The following SGCZ variants were observed in gnomAD, a reference collection of about 807,000 sequenced individuals.
The protein encoded by SGCZ is sarcoglycan zeta.
A neutral mutation model predicts 41.3 loss-of-function variants in SGCZ; 40 were observed. That is an observed-to-expected ratio of 0.97 (90% CI 0.75 to 1.26). SGCZ has a LOEUF of 1.26. Among genes scored for constraint, SGCZ ranks in the 50% most tolerant of loss-of-function variants. The pLI is 0.00. For synonymous variants in SGCZ, 206 were observed against 137.5 expected, an observed-to-expected ratio of 1.50 and a Z score of -3.49; for missense variants, 552 against 369.8, an observed-to-expected ratio of 1.49 and a Z score of -4.04.
At chr8:14,294,202 T>C (rs920191785) in intron 3 of SGCZ, among the ~76,000 whole-genome samples, 1 of 151,964 alleles carries the variant, frequency 6.6e-6, no homozygotes, top group Admixed American at 6.6e-5. Flanking sequence ...GGAAGTTTTT[T>C]AATGATAATG....
chr8:14,982,939 G>A (rs1396727128), intron 1 of SGCZ, among the ~76,000 whole-genome samples: 1 of 152,134 alleles, frequency 6.6e-6, no homozygotes, highest in African/African-American at 2.4e-5. Flanking sequence ...GCAAATTCCG[G>A]AGACAGAGGA....
chr8:15,095,794 C>A (rs73205453), intron 1 of SGCZ, among the ~76,000 whole-genome samples: 3 of 152,120 alleles, frequency 2.0e-5, no homozygotes, highest in Non-Finnish European at 4.4e-5. Context: ...CGAGGAGTTG[C>A]CAAATCAAAC....
At chr8:14,628,036 A>G (rs891206306) in intron 1 of SGCZ, among the ~76,000 whole-genome samples, 1 of 152,110 alleles carries the variant, frequency 6.6e-6, no homozygotes, top group African/African-American at 2.4e-5. Context: ...CCAGTTAAGC[A>G]TAGGCAGGCC....
At chr8:14,507,424 T>C (rs1393166685) in intron 2 of SGCZ, among the ~76,000 whole-genome samples, 1 of 147,544 alleles carries the variant, frequency 6.8e-6, no homozygotes. Context: ...CTGTAATTTA[T>C]TAGATACAAT....
intron 1 of SGCZ, among the ~76,000 whole-genome samples, chr8:15,064,758 G>A (rs1162550795): frequency 1.3e-5 from 2 of 152,078 alleles, no homozygotes; most frequent in Non-Finnish European, 2.9e-5. Context: ...CAGTGAGATA[G>A]ATTTGAAACT....
chr8:14,954,938 A>G (rs1411252093), intron 1 of SGCZ, among the ~76,000 whole-genome samples: 1 of 152,204 alleles, frequency 6.6e-6, no homozygotes, highest in Non-Finnish European at 1.5e-5. Flanking sequence ...AATTCAAGTT[A>G]TTGCTTTCCC....
intron 1 of SGCZ, among the ~76,000 whole-genome samples, chr8:15,075,841 T>C (rs1805509647): frequency 6.6e-6 from 1 of 152,270 alleles, no homozygotes; most frequent in African/African-American, 2.4e-5. Context: ...ATTTTATGCT[T>C]GCCTACCAAT....
At chr8:14,141,993 A>C (rs917646607) in intron 5 of SGCZ, among the ~76,000 whole-genome samples, 7 of 152,218 alleles carry the variant, frequency 4.6e-5, no homozygotes, top group African/African-American at 1.7e-4. Flanking sequence ...GTCATAAAAA[A>C]TGGATAAGTT....
rs375246130 is a variant in SGCZ, at chr8:15,037,716, CA to C, written c.39+199868del. Among the ~76,000 whole-genome samples the C allele has an allele frequency of 1.9e-3, 284 of 152,214 alleles. 1 individual carries two copies. The highest frequency in any genetic ancestry group is 3.1e-3 in the Non-Finnish European group (211 of 67,984). On this transcript the variant is annotated intron_variant, in intron 1 of 7. Transcript: ENST00000382080. ...TTTGAAGAGATGACATAATCATATG[CA>C]TGCAGAAAATGCTAAAGACTCTACC...
chr8:14,245,881 T>G (rs1223735983), intron 3 of SGCZ, among the ~76,000 whole-genome samples: 1 of 152,050 alleles, frequency 6.6e-6, no homozygotes, highest in Non-Finnish European at 1.5e-5. Flanking sequence ...GAAATGCAAA[T>G]CAAAACCACC....
chr8:14,874,896 A>G (rs2130710278), intron 1 of SGCZ, among the ~76,000 whole-genome samples: 1 of 152,304 alleles, frequency 6.6e-6, no homozygotes, highest in Admixed American at 6.5e-5. Context: ...ATTTTTCATA[A>G]GTAACTAAAG....
intron 1 of SGCZ, among the ~76,000 whole-genome samples, chr8:14,986,346 G>A (rs1487482939): frequency 1.4e-4 from 22 of 151,822 alleles, no homozygotes; most frequent in Admixed American, 1.1e-3. Context: ...AATTTACTTC[G>A]GCGCACACAA....
At chr8:14,351,189 C>G (rs1803078002) in intron 2 of SGCZ, among the ~76,000 whole-genome samples, 1 of 152,140 alleles carries the variant, frequency 6.6e-6, no homozygotes, top group African/African-American at 2.4e-5. Flanking sequence ...GAGCTACATT[C>G]TTATTACTGG....
intron 4 of SGCZ, among the ~76,000 whole-genome samples, chr8:14,225,673 T>C (rs571300563): frequency 6.6e-6 from 1 of 152,106 alleles, no homozygotes. Context: ...GCTCATTGTA[T>C]GTATAATGAG....
chr8:14,805,878 A>G (rs62493293), intron 1 of SGCZ, among the ~76,000 whole-genome samples: 2,078 of 150,724 alleles, frequency 0.014, 23 homozygotes, highest in Non-Finnish European at 0.02. Context: ...ATAACAAACT[A>G]TCTCTCAGAC....
chr8:14,263,852 C>T (rs1423954989), intron 3 of SGCZ, among the ~76,000 whole-genome samples: 1 of 152,198 alleles, frequency 6.6e-6, no homozygotes, highest in African/African-American at 2.4e-5. Context: ...AACTCAGAGA[C>T]AGACAAAACT....
intron 2 of SGCZ, among the ~76,000 whole-genome samples, chr8:14,474,258 C>T (rs1482937869): frequency 2.0e-5 from 3 of 152,164 alleles, no homozygotes; most frequent in African/African-American, 7.2e-5. Context: ...TTTTGATTTG[C>T]ATTATCATAC....
intron 3 of SGCZ, among the ~76,000 whole-genome samples, chr8:14,300,034 T>C (rs1585335863): frequency 6.6e-6 from 1 of 151,972 alleles, no homozygotes; most frequent in Non-Finnish European, 1.5e-5. Flanking sequence ...AATTGATCTA[T>C]GGTTTTGTAA....
chr8:14,851,949 A>G (rs1803342797), intron 1 of SGCZ, among the ~76,000 whole-genome samples: 1 of 152,120 alleles, frequency 6.6e-6, no homozygotes, highest in Admixed American at 6.5e-5. Context: ...GAAGAAGTGT[A>G]TTTGACATAA....
Sources: allele counts gnomAD v4.1 joint callset (sites outside exome capture counted in the v4.1 genomes callset), GRCh38; gene constraint gnomAD v4.1.1; transcripts MANE v1.5; gene names NCBI Gene and HGNC (gene_info 2026-07-23, HGNC 2026-07-21).